The following SEMA3A variants were observed in gnomAD, a reference collection of about 807,000 sequenced individuals.
SEMA3A encodes semaphorin 3A, also known as semaphorin-3A.
In SEMA3A, 29 loss-of-function variants were observed where a neutral mutation model predicts 97.9. That is an observed-to-expected ratio of 0.30 (90% CI 0.22 to 0.40). SEMA3A has a LOEUF of 0.40. SEMA3A is among the 10% of genes least tolerant of loss of function. SEMA3A has a pLI of 1.00. For missense variants in SEMA3A, 763 were observed against 951.3 expected, an observed-to-expected ratio of 0.80 and a Z score of 2.60; for synonymous variants, 321 against 323.7, an observed-to-expected ratio of 0.99 and a Z score of 0.09.
chr7:84,461,248 T>C (rs910838237), intron 1 of SEMA3A, among the ~76,000 whole-genome samples: 1 of 152,162 alleles, frequency 6.6e-6, no homozygotes, highest in Non-Finnish European at 1.5e-5. Flanking sequence ...CTGCCTTATG[T>C]TTCAGTCATT....
At chr7:84,019,213 G>A (rs1791225720) in intron 6 of SEMA3A, among the ~76,000 whole-genome samples, 1 of 152,170 alleles carries the variant, frequency 6.6e-6, no homozygotes, top group Non-Finnish European at 1.5e-5. Flanking sequence ...GAGCATGTGA[G>A]CAAGGGAACA....
chr7:84,050,467 G>A (rs1792573781), intron 5 of SEMA3A, among the ~76,000 whole-genome samples: 1 of 152,052 alleles, frequency 6.6e-6, no homozygotes, highest in Non-Finnish European at 1.5e-5. Context: ...CAGTGATGGT[G>A]AGCATTTTTT....
At position 84,135,646 on chromosome 7, in the gene SEMA3A, C is replaced by A. The variant is rs554322910; in HGVS notation, c.113-695G>T. 2.1e-3 allele frequency among the ~76,000 whole-genome samples: 319 copies of A among 152,248 alleles called. 1 individual carries two copies. The highest frequency in any genetic ancestry group is 4.0e-3 in the Non-Finnish European group (269 of 68,008). On this transcript the variant is annotated intron_variant, in intron 1 of 16. Coordinates refer to ENST00000265362, the MANE Select transcript of SEMA3A (RefSeq NM_006080.3). ...CCAAGCCATTAGATAGAAGGATAAGCACAGAACCTAACAAAATAGGAATGT... is the reference window on the plus strand; with the variant it reads ...CCAAGCCATTAGATAGAAGGATAAGAACAGAACCTAACAAAATAGGAATGT...
At chr7:84,231,147 A>G (rs1297016712) in intron 3 of SEMA3A, among the ~76,000 whole-genome samples, 1 of 151,968 alleles carries the variant, frequency 6.6e-6, no homozygotes, top group Non-Finnish European at 1.5e-5. Flanking sequence ...GAGTATCTTC[A>G]TATATTTGTC....
At chr7:83,999,378 G>A (rs911506588) in intron 12 of SEMA3A, among the ~76,000 whole-genome samples, 11 of 151,700 alleles carry the variant, frequency 7.3e-5, no homozygotes, top group Non-Finnish European at 1.0e-4. Context: ...AAAAATTCAC[G>A]AAAACACAAT....
chr7:84,074,628 G>T (rs1793871986), intron 4 of SEMA3A, among the ~76,000 whole-genome samples: 1 of 151,930 alleles, frequency 6.6e-6, no homozygotes, highest in Non-Finnish European at 1.5e-5. Flanking sequence ...GTTTAAGGAA[G>T]ATGTGTACCT....
At chr7:83,972,333 G>A (rs1212016407) in intron 15 of SEMA3A, among the ~76,000 whole-genome samples, 1 of 151,638 alleles carries the variant, frequency 6.6e-6, no homozygotes, top group Non-Finnish European at 1.5e-5. Context: ...CTTCGTATAG[G>A]GCAGGCTGAA....
chr7:84,202,648 C>G (rs999979615), intron 3 of SEMA3A, among the ~76,000 whole-genome samples: 4 of 152,152 alleles, frequency 2.6e-5, no homozygotes, highest in African/African-American at 9.6e-5. Flanking sequence ...ACCCTCAAAA[C>G]TGGTAACCAT....
At chr7:84,357,272 C>G (rs1333765636) in intron 2 of SEMA3A, among the ~76,000 whole-genome samples, 1 of 150,414 alleles carries the variant, frequency 6.6e-6, no homozygotes, top group Non-Finnish European at 1.5e-5. Context: ...AATGCTATGC[C>G]TCCCCGCCCC....
intron 3 of SEMA3A, among the ~76,000 whole-genome samples, chr7:84,296,095 G>T (rs1264264067): frequency 6.6e-6 from 1 of 152,036 alleles, no homozygotes; most frequent in Non-Finnish European, 1.5e-5. Context: ...TGACTTAAGA[G>T]AAAAATGTAA....
chr7:84,306,408 A>C (rs1337987950), intron 3 of SEMA3A: 1 of 152,072 alleles, frequency 6.6e-6, no homozygotes, highest in Non-Finnish European at 1.5e-5. Flanking sequence ...AAAGGTCCAT[A>C]AGAAAAAAAG....
intron 16 of SEMA3A, among the ~76,000 whole-genome samples, chr7:83,962,282 A>T (rs1012067843): frequency 6.6e-6 from 1 of 152,120 alleles, no homozygotes; most frequent in Admixed American, 6.5e-5. Flanking sequence ...CAAGCAGAAC[A>T]TTTCATGCTT....
intron 1 of SEMA3A, among the ~76,000 whole-genome samples, chr7:84,487,831 A>G (rs897677524): frequency 6.6e-6 from 1 of 152,172 alleles, no homozygotes; most frequent in Non-Finnish European, 1.5e-5. Flanking sequence ...CTATGACTTT[A>G]TAAATGCTGA....
At chr7:84,214,231 G>A (rs868642542) in intron 3 of SEMA3A, among the ~76,000 whole-genome samples, 2 of 151,790 alleles carry the variant, frequency 1.3e-5, no homozygotes, top group Non-Finnish European at 2.9e-5. Flanking sequence ...ACTAAGCCTG[G>A]GCAAATTAAG....
At chr7:84,217,970 A>T (rs1161642165) in intron 3 of SEMA3A, among the ~76,000 whole-genome samples, 1 of 151,974 alleles carries the variant, frequency 6.6e-6, no homozygotes, top group Non-Finnish European at 1.5e-5. Context: ...CTGTAGTCCC[A>T]GCTACTTGGG....
chr7:84,408,056 A>T (rs1315789291), intron 1 of SEMA3A, among the ~76,000 whole-genome samples: 1 of 152,226 alleles, frequency 6.6e-6, no homozygotes, highest in East Asian at 1.9e-4. Context: ...ATCTAATTAA[A>T]CTAAAGAGCT....
intron 1 of SEMA3A, among the ~76,000 whole-genome samples, chr7:84,431,523 T>C (rs189970951): frequency 1.3e-5 from 2 of 152,106 alleles, no homozygotes; most frequent in Admixed American, 1.3e-4. Context: ...AGATTTGAAT[T>C]GCACTCAATG....
intron 3 of SEMA3A, among the ~76,000 whole-genome samples, chr7:84,112,983 CTTCAT>C (rs1483043856): frequency 6.6e-6 from 1 of 152,214 alleles, no homozygotes; most frequent in East Asian, 1.9e-4. Flanking sequence ...GAATGATTCC[CTTCAT>C]TTCCCCACTG....
intron 4 of SEMA3A, among the ~76,000 whole-genome samples, chr7:84,084,618 C>T (rs1794273245): frequency 6.6e-6 from 1 of 151,962 alleles, no homozygotes; most frequent in African/African-American, 2.4e-5. Context: ...AATTCCTATT[C>T]TATTTTGTTT....
Sources: gnomAD v4.1 joint callset for allele counts (sites outside exome capture counted in the v4.1 genomes callset) on GRCh38, gnomAD v4.1.1 for gene constraint, MANE v1.5 for transcripts, NCBI Gene and HGNC (gene_info 2026-07-23, HGNC 2026-07-21) for gene names.